The following SPATA13 variants were observed in gnomAD, a reference collection of about 807,000 sequenced individuals.
SPATA13 encodes the protein spermatogenesis associated 13, also known as spermatogenesis-associated protein 13.
Under a neutral mutation model 104.0 loss-of-function variants are expected in SPATA13, and 50 were observed. The ratio of observed to expected loss-of-function variants is 0.48; its 90% CI spans 0.38 to 0.61. The LOEUF is 0.61. Among genes scored for constraint, SPATA13 ranks in the 20% least tolerant of loss-of-function variants. The pLI, the probability that SPATA13 is intolerant of heterozygous loss-of-function variation, is 0.00. For synonymous variants in SPATA13, 606 were observed against 667.5 expected (o/e 0.91, Z 1.42); for missense variants, 1,524 against 1,690.6 (o/e 0.90, Z 1.73).
chr13:24,042,184 A>G (rs1877957076), intron 3 of SPATA13, among the ~76,000 whole-genome samples: 1 of 152,060 alleles, frequency 6.6e-6, no homozygotes, highest in Non-Finnish European at 1.5e-5. Flanking sequence ...TGTGAGAGAG[A>G]AAGCAGGGTC....
intron 2 of SPATA13, among the ~76,000 whole-genome samples, chr13:24,016,050 G>A (rs928002891): frequency 1.3e-5 from 2 of 152,166 alleles, no homozygotes; most frequent in Admixed American, 6.5e-5. Flanking sequence ...ACAGTGACAC[G>A]TGGCATGGTT....
chr13:24,242,607 C>G (rs1235658592), intron 2 of SPATA13, among the ~76,000 whole-genome samples: 1 of 152,126 alleles, frequency 6.6e-6, no homozygotes, highest in Non-Finnish European at 1.5e-5. Context: ...ATTACGTCTT[C>G]TTTGCTTCTT....
intron 2 of SPATA13, among the ~76,000 whole-genome samples, chr13:24,240,614 T>G (rs569304922): frequency 1.3e-5 from 2 of 152,360 alleles, no homozygotes; most frequent in Admixed American, 6.5e-5. Flanking sequence ...TTCTCCATCT[T>G]GTATTCTAAG....
At chr13:24,095,421 C>T (rs1260633976) in intron 3 of SPATA13, among the ~76,000 whole-genome samples, 3 of 151,676 alleles carry the variant, frequency 2.0e-5, no homozygotes, top group African/African-American at 7.3e-5. Flanking sequence ...GTAGGGGGTG[C>T]AGAATAGGGG....
intron 3 of SPATA13, among the ~76,000 whole-genome samples, chr13:24,035,507 G>C (rs1052713739): frequency 1.3e-5 from 2 of 152,178 alleles, no homozygotes; most frequent in African/African-American, 4.8e-5. Flanking sequence ...ACTTGGAACA[G>C]AATGTTAGGA....
At chr13:24,157,482 A>G (rs1017561680), upstream of SPATA13, among the ~76,000 whole-genome samples, 1 of 151,900 alleles carries the variant, frequency 6.6e-6, no homozygotes, top group African/African-American at 2.4e-5. Context: ...TTGTATTTTT[A>G]GTAGAGACGG....
rs1879793958 is a variant in SPATA13, at chr13:24,088,142, G to A, written c.-112+70441G>A. Among the ~76,000 whole-genome samples, 1 of 152,160 alleles carries A rather than the reference G, an allele frequency of 6.6e-6. No individual in the cohort carries two copies. The highest frequency in any genetic ancestry group is 2.4e-5 in the African/African-American group (1 of 41,428). ...TGTGGTCCTCACTCATTAAACGATG[G>A]TGGACTGTCATATGAAAACTTGGGC... On this transcript the variant is annotated intron_variant, in intron 3 of 14. Transcript: ENST00000424834. This position sits in a 1 kb window ranked among gnomAD's most constrained non-coding sequence, Gnocchi z 4.3.
chr13:24,023,372 G>A (rs1012131070), intron 3 of SPATA13, among the ~76,000 whole-genome samples: 1 of 149,704 alleles, frequency 6.7e-6, no homozygotes, highest in Non-Finnish European at 1.5e-5. Flanking sequence ...TTTCTCTGGA[G>A]TGAAGATATA....
chr13:24,022,099 G>A (rs910703248), intron 3 of SPATA13, among the ~76,000 whole-genome samples: 1 of 144,248 alleles, frequency 6.9e-6, no homozygotes, highest in African/African-American at 2.6e-5. Context: ...CTTGAAGGCT[G>A]GAGTGCAATC....
chr13:24,190,571 G>T, intron 1 of SPATA13, among the ~76,000 whole-genome samples: 1 of 151,112 alleles, frequency 6.6e-6, no homozygotes, highest in African/African-American at 2.4e-5. Flanking sequence ...ACTTTGAGGG[G>T]TTCGAGACTT....
intron 4 of SPATA13, among the ~76,000 whole-genome samples, chr13:24,279,687 G>T (rs943449229): frequency 2.6e-5 from 4 of 152,232 alleles, no homozygotes; most frequent in African/African-American, 9.6e-5. Flanking sequence ...AAACATACAG[G>T]CTAATGCCTG....
At position 24,223,103 on chromosome 13, in the gene SPATA13, C is replaced by T. The variant is rs979566547; in HGVS notation, c.174C>T (p.Gly58=). Reference sequence around the variant, plus strand: ...GAGTCTGTGGCTGCAGCCCTGGTGGCGACACGGACACCCAGGAAGCCAAAC... The same window carrying T: ...GAGTCTGTGGCTGCAGCCCTGGTGGTGACACGGACACCCAGGAAGCCAAAC... ...GNGVCGCSPG[G]DTDTQEAKLS... The change falls in exon 2 of 13, where the codon GGC becomes GGT. Residue 58 remains glycine (G), a synonymous_variant. Coordinates refer to ENST00000382108, the MANE Select transcript of SPATA13 (RefSeq NM_001166271.3). 7.7e-6 allele frequency: 12 copies of T among 1,551,680 alleles called. No homozygotes were observed. Among genetic ancestry groups the T allele is most frequent in the East Asian group, 2.4e-5 (1 of 40,902 alleles).
chr13:24,209,390 T>C (rs1221928371), intron 1 of SPATA13, among the ~76,000 whole-genome samples: 1 of 152,196 alleles, frequency 6.6e-6, no homozygotes, highest in East Asian at 1.9e-4. Flanking sequence ...GTAAGGGAAT[T>C]AAGAGATGAA....
chr13:24,211,389 C>G (rs908070692), intron 1 of SPATA13, among the ~76,000 whole-genome samples: 1 of 152,094 alleles, frequency 6.6e-6, no homozygotes, highest in African/African-American at 2.4e-5. Context: ...TAGCTGTGGA[C>G]TTGTCATATA....
intron 3 of SPATA13, among the ~76,000 whole-genome samples, chr13:24,036,565 T>TG (rs1244301368): frequency 2.0e-5 from 3 of 152,116 alleles, no homozygotes; most frequent in Non-Finnish European, 1.5e-5. Context: ...CCCTGCCACC[T>TG]GGGGCCCACA....
chr13:23,985,291 C>G (rs995595258), intron 2 of SPATA13, among the ~76,000 whole-genome samples: 3 of 152,216 alleles, frequency 2.0e-5, no homozygotes. Context: ...ACCTTTCTTC[C>G]TGAGTAGTTT....
intron 1 of SPATA13, among the ~76,000 whole-genome samples, chr13:24,191,419 T>C (rs1255280897): frequency 2.0e-5 from 3 of 152,128 alleles, no homozygotes; most frequent in Admixed American, 6.5e-5. Flanking sequence ...CGATATTTGT[T>C]TTATTGCTGT....
chr13:24,222,704 G>A (rs1475693709), intron 1 of SPATA13, 115 bp from the exon 2 acceptor site: 1 of 847,754 alleles, frequency 1.2e-6, no homozygotes, highest in African/African-American at 1.7e-5. Flanking sequence ...TTTTAATTGA[G>A]TTTGAAGTAG....
chr13:24,039,605 C>G (rs113103405), intron 3 of SPATA13, among the ~76,000 whole-genome samples: 1 of 152,026 alleles, frequency 6.6e-6, no homozygotes, highest in African/African-American at 2.4e-5. Flanking sequence ...CTCGAGGGGT[C>G]GTTTCTTAGT....
Sources: allele counts gnomAD v4.1 joint callset (sites outside exome capture counted in the v4.1 genomes callset), GRCh38; gene constraint gnomAD v4.1.1; non-coding constraint Gnocchi (gnomAD v3.1); transcripts MANE v1.5; gene names NCBI Gene and HGNC (gene_info 2026-07-23, HGNC 2026-07-21).